ENOX1: variants seen among roughly 807,000 people sequenced by gnomAD.
ENOX1 encodes ecto-NOX disulfide-thiol exchanger 1, also known as candidate growth-related and time keeping constitutive hydroquinone (NADH) oxidase.
In ENOX1, 42 loss-of-function variants were observed where a neutral mutation model predicts 82.5. That is an observed-to-expected ratio of 0.51 (90% confidence interval 0.40 to 0.66). The LOEUF (loss-of-function observed/expected upper bound fraction) is 0.66. ENOX1 is among the 30% of genes least tolerant of loss of function. ENOX1 has a pLI of 0.00. For missense variants in ENOX1, 608 were observed against 811.6 expected (o/e 0.75, Z 3.05); for synonymous variants, 271 against 282.2 (o/e 0.96, Z 0.40).
At chr13:43,394,452 C>T (rs947817015) in intron 5 of ENOX1, 1 of 152,162 alleles carries the variant, frequency 6.6e-6, no homozygotes, top group African/African-American at 2.4e-5. Context: ...TAGAACTAAA[C>T]AAGATAATCT....
At chr13:43,223,624 A>G (rs1413918355) in intron 16 of ENOX1, among the ~76,000 whole-genome samples, 3 of 152,098 alleles carry the variant, frequency 2.0e-5, no homozygotes, top group Non-Finnish European at 4.4e-5. Context: ...AGCTTTCTTG[A>G]GTCATATCAG....
At chr13:43,518,981 T>C (rs891928436) in intron 2 of ENOX1, among the ~76,000 whole-genome samples, 2 of 152,138 alleles carry the variant, frequency 1.3e-5, no homozygotes, top group Non-Finnish European at 2.9e-5. Context: ...TTCCAGGAAG[T>C]ACATGACAAA....
chr13:43,535,628 G>A (rs1459004253), intron 2 of ENOX1, among the ~76,000 whole-genome samples: 1 of 152,112 alleles, frequency 6.6e-6, no homozygotes, highest in Admixed American at 6.6e-5. Context: ...GGTGTTAAAA[G>A]TTTCAGCCCA....
At chr13:43,291,435 G>A (rs1028334214) in intron 12 of ENOX1, among the ~76,000 whole-genome samples, 2 of 152,078 alleles carry the variant, frequency 1.3e-5, no homozygotes, top group African/African-American at 4.8e-5. Flanking sequence ...TTTCCTATTT[G>A]TCTTCCTTTC....
intron 1 of ENOX1, among the ~76,000 whole-genome samples, chr13:43,721,327 T>G (rs1051398280): frequency 6.7e-6 from 1 of 150,150 alleles, no homozygotes; most frequent in East Asian, 2.0e-4. Context: ...TAAAACACCA[T>G]AAATCCAGAG....
chr13:43,661,843 A>G (rs1347683089), intron 2 of ENOX1, among the ~76,000 whole-genome samples: 1 of 152,220 alleles, frequency 6.6e-6, no homozygotes, highest in Non-Finnish European at 1.5e-5. Context: ...TTGGTTTTCA[A>G]TTCAAGAAAC....
chr13:43,397,631 G>A (rs901898796), intron 5 of ENOX1, among the ~76,000 whole-genome samples: 19 of 152,240 alleles, frequency 1.2e-4, no homozygotes, highest in Middle Eastern at 3.4e-3. Flanking sequence ...GAGTACTTTT[G>A]CCCTATAGGC....
intron 12 of ENOX1, among the ~76,000 whole-genome samples, chr13:43,295,579 CTCTT>C (rs750291137): frequency 6.6e-6 from 1 of 152,178 alleles, no homozygotes; most frequent in Non-Finnish European, 1.5e-5. Context: ...GTCATTAAGG[CTCTT>C]TCTTTTTTTG....
At chr13:43,670,920 G>A (rs2085236586) in intron 1 of ENOX1, among the ~76,000 whole-genome samples, 1 of 152,028 alleles carries the variant, frequency 6.6e-6, no homozygotes, top group South Asian at 2.1e-4. Context: ...ACACAATAAT[G>A]CATTTTGAAA....
chr13:43,488,004 T>C (rs367916900), intron 2 of ENOX1, among the ~76,000 whole-genome samples: 2 of 152,324 alleles, frequency 1.3e-5, no homozygotes, highest in East Asian at 3.9e-4. Flanking sequence ...TCTGGATACA[T>C]TCATTTTGCA....
intron 1 of ENOX1, among the ~76,000 whole-genome samples, chr13:43,778,718 CCTT>C (rs1952069297): frequency 6.6e-6 from 1 of 152,096 alleles, no homozygotes; most frequent in Non-Finnish European, 1.5e-5. Flanking sequence ...ATTTATCTTT[CCTT>C]CTTTTATTTA....
intron 8 of ENOX1, among the ~76,000 whole-genome samples, chr13:43,345,226 A>G (rs1485987298): frequency 6.6e-6 from 1 of 152,190 alleles, no homozygotes; most frequent in Non-Finnish European, 1.5e-5. Flanking sequence ...GATTTTTTTA[A>G]AAGTGTTTGT....
chr13:43,315,903 T>C (rs572050079), intron 11 of ENOX1, among the ~76,000 whole-genome samples: 2 of 152,268 alleles, frequency 1.3e-5, no homozygotes, highest in South Asian at 4.1e-4. Context: ...TAAACTGTAA[T>C]GTAGATAATG....
chr13:43,524,208 A>G (rs1362431600), intron 2 of ENOX1, among the ~76,000 whole-genome samples: 1 of 152,078 alleles, frequency 6.6e-6, no homozygotes, highest in Non-Finnish European at 1.5e-5. Context: ...TTCTCACCCC[A>G]TGGTCTTCAT....
At chr13:43,705,330 C>CTCTA (rs141765196) in intron 1 of ENOX1, among the ~76,000 whole-genome samples, 39,757 of 129,638 alleles carry the variant, frequency 0.31, 7,217 homozygotes, top group Non-Finnish European at 0.41. Flanking sequence ...CTCTCTCTCT[C>CTCTA]TATATATATA....
chr13:43,508,418 A>G (rs1166128297), intron 2 of ENOX1, among the ~76,000 whole-genome samples: 1 of 152,016 alleles, frequency 6.6e-6, no homozygotes, highest in Non-Finnish European at 1.5e-5. Flanking sequence ...TAGAAGAAAC[A>G]AATTTCTGTT....
At chr13:43,528,151 G>A (rs1054782486) in intron 2 of ENOX1, among the ~76,000 whole-genome samples, 3 of 152,192 alleles carry the variant, frequency 2.0e-5, no homozygotes, top group South Asian at 4.1e-4. Flanking sequence ...GCTTAATTTT[G>A]TTGATGAAAC....
chr13:43,565,591 C>G (rs1469277329), intron 2 of ENOX1, among the ~76,000 whole-genome samples: 1 of 152,140 alleles, frequency 6.6e-6, no homozygotes, highest in Admixed American at 6.6e-5. Context: ...CACAAAGACG[C>G]TCTTTAGAAA....
chr13:43,605,816 C>A (rs778138939), intron 2 of ENOX1, among the ~76,000 whole-genome samples: 1 of 152,000 alleles, frequency 6.6e-6, no homozygotes, highest in Non-Finnish European at 1.5e-5. Flanking sequence ...AGGATCACAT[C>A]AAGTTAAAAA....
Sources: gnomAD v4.1 joint callset for allele counts (sites outside exome capture counted in the v4.1 genomes callset) on GRCh38, gnomAD v4.1.1 for gene constraint, MANE v1.5 for transcripts, NCBI Gene and HGNC (gene_info 2026-07-23, HGNC 2026-07-21) for gene names.